CSMD1: variants seen among roughly 807,000 people sequenced by gnomAD.
CSMD1 encodes CUB and sushi domain-containing protein 1.
CSMD1 carries 213 observed loss-of-function variants against 417.5 expected under a neutral mutation model. The observed-to-expected ratio is 0.51, with a 90% CI of 0.46 to 0.57. The LOEUF (loss-of-function observed/expected upper bound fraction) is 0.57. Among genes scored for constraint, CSMD1 ranks in the 20% least tolerant of loss-of-function variants. CSMD1 has a pLI of 0.00. For missense variants in CSMD1, 6,923 were observed against 4,529.7 expected (o/e 1.53, Z -15.17); for synonymous variants, 2,862 against 1,736.8 (o/e 1.65, Z -16.11).
At chr8:3,312,244 C>G (rs1412050151) in intron 23 of CSMD1, among the ~76,000 whole-genome samples, 1 of 152,172 alleles carries the variant, frequency 6.6e-6, no homozygotes. Context: ...TTAAACTACA[C>G]CTTGTCATAC....
In CSMD1 at chr8:4,749,828, G is replaced by A. The variant is rs529348907; in HGVS notation, c.86-112270C>T. Among the ~76,000 whole-genome samples, 3 of 152,012 alleles carry A rather than the reference G, an allele frequency of 2.0e-5. No individual in the cohort carries two copies. In the South Asian group the frequency reaches 6.2e-4, roughly 32 times the overall value. On this transcript the variant is annotated intron_variant, in intron 1 of 69. Transcript: ENST00000635120. ...TGTTTAAACCATAAGATGTTTTGCTGGTAATTTGGAAAGCCAGGGTGTGGA... is the reference window on the plus strand; with the variant it reads ...TGTTTAAACCATAAGATGTTTTGCTAGTAATTTGGAAAGCCAGGGTGTGGA...
At chr8:4,627,129 A>G (rs1802163959) in intron 2 of CSMD1, among the ~76,000 whole-genome samples, 1 of 152,136 alleles carries the variant, frequency 6.6e-6, no homozygotes, top group Non-Finnish European at 1.5e-5. Context: ...ATACATTTCA[A>G]TATTTCAACT....
intron 3 of CSMD1, among the ~76,000 whole-genome samples, chr8:4,110,218 T>A (rs927693032): frequency 6.6e-6 from 1 of 152,128 alleles, no homozygotes; most frequent in African/African-American, 2.4e-5. Flanking sequence ...AGAATATAGA[T>A]ATGAAATAAA....
At chr8:4,162,100 G>A (rs1386113799) in intron 3 of CSMD1, among the ~76,000 whole-genome samples, 1 of 152,148 alleles carries the variant, frequency 6.6e-6, no homozygotes, top group Non-Finnish European at 1.5e-5. Context: ...TTTAAACACT[G>A]AAGCAATATA....
intron 2 of CSMD1, among the ~76,000 whole-genome samples, chr8:4,456,410 C>G (rs74818514): frequency 0.13 from 19,671 of 152,124 alleles, 1,603 homozygotes; most frequent in South Asian, 0.23. Context: ...AAGATATCGA[C>G]TTCTTAGAAA....
intron 3 of CSMD1, among the ~76,000 whole-genome samples, chr8:4,374,794 C>T (rs945612307): frequency 3.9e-5 from 6 of 151,954 alleles, no homozygotes; most frequent in African/African-American, 9.7e-5. Flanking sequence ...TAGGATGGCC[C>T]AGGAGAGGAT....
At chr8:3,817,603 A>G (rs781493745) in intron 5 of CSMD1, among the ~76,000 whole-genome samples, 3 of 151,968 alleles carry the variant, frequency 2.0e-5, no homozygotes, top group Non-Finnish European at 4.4e-5. Flanking sequence ...GAGTCACAGA[A>G]TATTTACGGG....
chr8:4,964,701 C>T (rs1181423318), intron 1 of CSMD1, among the ~76,000 whole-genome samples: 1 of 152,052 alleles, frequency 6.6e-6, no homozygotes, highest in Non-Finnish European at 1.5e-5. Flanking sequence ...TCCAGAAACT[C>T]AGTTATGGTC....
In CSMD1 at chr8:4,207,754, A is replaced by C. The variant is rs556446354; in HGVS notation, c.416-175655T>G. Among the ~76,000 whole-genome samples, 528 of 152,186 alleles carry C rather than the reference A, an allele frequency of 3.5e-3. 2 individuals are homozygous for C. The highest frequency in any genetic ancestry group is 6.1e-3 in the Non-Finnish European group (413 of 67,956). ...TAACAGTAGATACTGTAACATTTCG[A>C]TAATCTACTAGGATAGCAAACCATT... On this transcript the variant is annotated intron_variant, in intron 3 of 69. Coordinates refer to ENST00000635120, the MANE Select transcript of CSMD1 (RefSeq NM_033225.6).
chr8:3,679,879 A>T (rs1233417699), intron 7 of CSMD1, among the ~76,000 whole-genome samples: 1 of 152,176 alleles, frequency 6.6e-6, no homozygotes, highest in Non-Finnish European at 1.5e-5. Context: ...GGATTAAGAA[A>T]CTCACTCAAA....
intron 3 of CSMD1, among the ~76,000 whole-genome samples, chr8:4,052,673 C>G (rs1271890791): frequency 6.6e-6 from 1 of 151,998 alleles, no homozygotes; most frequent in Non-Finnish European, 1.5e-5. Flanking sequence ...AGGAATCATC[C>G]CATAATAAGT....
At chr8:3,058,167 G>A (rs1350937012) in intron 49 of CSMD1, among the ~76,000 whole-genome samples, 1 of 152,106 alleles carries the variant, frequency 6.6e-6, no homozygotes, top group African/African-American at 2.4e-5. Flanking sequence ...GTGTGCAACT[G>A]TTTGTAATTT....
chr8:3,829,077 T>C (rs1279687318), intron 5 of CSMD1, among the ~76,000 whole-genome samples: 1 of 152,106 alleles, frequency 6.6e-6, no homozygotes, highest in African/African-American at 2.4e-5. Context: ...GGTATTTGTT[T>C]ACATGAGCAA....
intron 2 of CSMD1, among the ~76,000 whole-genome samples, chr8:4,503,853 C>G (rs1460289642): frequency 1.3e-5 from 2 of 151,548 alleles, no homozygotes; most frequent in African/African-American, 2.4e-5. Flanking sequence ...AGAGAATATT[C>G]TTGATGGAAT....
At chr8:3,708,281 T>C (rs562095946) in intron 7 of CSMD1, 133 bp downstream of exon 7, 9 of 688,908 alleles carry the variant, frequency 1.3e-5, no homozygotes, top group South Asian at 1.3e-4. Context: ...TCCCAGAAAA[T>C]ACTTTTGGAT....
At chr8:4,810,400 T>C (rs974524623) in intron 1 of CSMD1, among the ~76,000 whole-genome samples, 19 of 152,354 alleles carry the variant, frequency 1.2e-4, no homozygotes, top group African/African-American at 4.6e-4. Context: ...CATAACGTGA[T>C]TGTACCTTCA....
intron 3 of CSMD1, among the ~76,000 whole-genome samples, chr8:4,314,279 C>T (rs1355598922): frequency 2.0e-5 from 3 of 152,044 alleles, no homozygotes; most frequent in Non-Finnish European, 2.9e-5. Flanking sequence ...TAGTTACAAT[C>T]GACAAAGTAC....
intron 2 of CSMD1, among the ~76,000 whole-genome samples, chr8:4,423,922 A>G (rs989071892): frequency 6.6e-5 from 10 of 152,202 alleles, no homozygotes; most frequent in East Asian, 3.9e-4. Flanking sequence ...ACCTGAACAA[A>G]TATCTCCAAT....
chr8:3,473,242 A>G (rs747211357), intron 11 of CSMD1, among the ~76,000 whole-genome samples: 4 of 152,210 alleles, frequency 2.6e-5, no homozygotes, highest in Non-Finnish European at 4.4e-5. Context: ...ACAGTCAGCA[A>G]GCACACTGCC....
Sources: gnomAD v4.1 joint callset for allele counts (sites outside exome capture counted in the v4.1 genomes callset) on GRCh38, gnomAD v4.1.1 for gene constraint, MANE v1.5 for transcripts, NCBI Gene and HGNC (gene_info 2026-07-23, HGNC 2026-07-21) for gene names.